ULK4: variants seen among roughly 807,000 people sequenced by gnomAD.
ULK4 encodes the protein unc-51 like kinase 4, also known as inactive serine/threonine-protein kinase ULK4.
Under a neutral mutation model 160.6 loss-of-function variants are expected in ULK4, and 133 were observed. The observed-to-expected ratio is 0.83, with a 90% CI of 0.72 to 0.96. ULK4 has a LOEUF of 0.96. ULK4 is among the 40% of genes least tolerant of loss of function. ULK4 has a pLI of 0.00. For synonymous variants in ULK4, 534 were observed against 539.8 expected (o/e 0.99, Z 0.15); for missense variants, 1,580 against 1,499.5 (o/e 1.05, Z -0.89).
intron 32 of ULK4, among the ~76,000 whole-genome samples, chr3:41,510,818 T>C (rs2085545889): frequency 6.6e-6 from 1 of 152,172 alleles, no homozygotes; most frequent in Non-Finnish European, 1.5e-5. Context: ...ACCTTTGGGA[T>C]ACAGCAAAAG....
chr3:41,251,701 T>C (rs1305276334), intron 35 of ULK4, among the ~76,000 whole-genome samples: 1 of 152,156 alleles, frequency 6.6e-6, no homozygotes, highest in Non-Finnish European at 1.5e-5. Context: ...GCAGTGGTAG[T>C]GGGGACAGAG....
chr3:41,426,255 C>T (rs1019361668), intron 34 of ULK4, among the ~76,000 whole-genome samples: 1 of 152,200 alleles, frequency 6.6e-6, no homozygotes, highest in Non-Finnish European at 1.5e-5. Flanking sequence ...GCACCCGATA[C>T]AGGAGAACCC....
intron 32 of ULK4, among the ~76,000 whole-genome samples, chr3:41,504,786 A>G (rs2085323302): frequency 6.6e-6 from 1 of 152,210 alleles, no homozygotes; most frequent in Non-Finnish European, 1.5e-5. Context: ...TTTAGAAATA[A>G]CATTTCATTT....
intron 35 of ULK4, among the ~76,000 whole-genome samples, chr3:41,331,088 A>T (rs1165327444): frequency 6.6e-6 from 1 of 152,240 alleles, no homozygotes; most frequent in East Asian, 1.9e-4. Context: ...CACAGTAGCC[A>T]CTTGGGTGAA....
chr3:41,272,343 GTTTTT>G (rs3038324), intron 35 of ULK4, among the ~76,000 whole-genome samples: 6,364 of 95,606 alleles, frequency 0.067, 224 homozygotes, highest in East Asian at 0.2. Context: ...AATTTTGAAA[GTTTTT>G]TTTTTTTTTT....
intron 30 of ULK4, among the ~76,000 whole-genome samples, chr3:41,626,080 G>T (rs1291037901): frequency 2.6e-5 from 4 of 152,124 alleles, no homozygotes; most frequent in Non-Finnish European, 4.4e-5. Context: ...CAGATTTCAT[G>T]TGGTTAAAGA....
At chr3:41,835,815 G>A (rs1447517371) in intron 18 of ULK4, 49 bp downstream of exon 18, 1 of 1,373,012 alleles carries the variant, frequency 7.3e-7, no homozygotes, top group Non-Finnish European at 1.0e-6. Flanking sequence ...GTCAGCCAGA[G>A]TATGTCAGAA....
At chr3:41,887,066 C>T (rs1697748130) in intron 16 of ULK4, among the ~76,000 whole-genome samples, 1 of 152,170 alleles carries the variant, frequency 6.6e-6, no homozygotes, top group South Asian at 2.1e-4. Flanking sequence ...GAACTCTACA[C>T]CCTACAAACA....
At chr3:41,476,775 C>G (rs1236774276) in intron 32 of ULK4, among the ~76,000 whole-genome samples, 1 of 151,916 alleles carries the variant, frequency 6.6e-6, no homozygotes, top group Non-Finnish European at 1.5e-5. Context: ...GCCTCTTCTA[C>G]TGGTTCTAGC....
chr3:41,549,556 G>C (rs746231968), intron 32 of ULK4, among the ~76,000 whole-genome samples: 5 of 152,120 alleles, frequency 3.3e-5, no homozygotes, highest in East Asian at 1.9e-4. Context: ...ACCATAAAGA[G>C]AGCAAATATT....
chr3:41,798,115 T>G (rs944888282), intron 20 of ULK4, among the ~76,000 whole-genome samples: 2 of 151,988 alleles, frequency 1.3e-5, no homozygotes, highest in East Asian at 1.9e-4. Context: ...TCAAACTTGA[T>G]GCATCAGAAG....
chr3:41,861,801 T>C (rs1323491650), intron 17 of ULK4, among the ~76,000 whole-genome samples: 1 of 152,126 alleles, frequency 6.6e-6, no homozygotes, highest in East Asian at 1.9e-4. Flanking sequence ...GAGGTTATTT[T>C]CTAGATCTTG....
At chr3:41,329,406 C>T (rs1427318923) in intron 35 of ULK4, among the ~76,000 whole-genome samples, 1 of 152,078 alleles carries the variant, frequency 6.6e-6, no homozygotes, top group Non-Finnish European at 1.5e-5. Flanking sequence ...AACTTTAATT[C>T]TAGACAAAAA....
chr3:41,306,468 G>A (rs2079938535), intron 35 of ULK4, among the ~76,000 whole-genome samples: 1 of 146,522 alleles, frequency 6.8e-6, no homozygotes, highest in Non-Finnish European at 1.5e-5. Context: ...CATCTGGGAG[G>A]GAGGTGGGGG....
At chr3:41,446,855 T>C (rs1169082552) in intron 34 of ULK4, among the ~76,000 whole-genome samples, 1 of 151,394 alleles carries the variant, frequency 6.6e-6, no homozygotes, top group Non-Finnish European at 1.5e-5. Flanking sequence ...TGTGCACATG[T>C]ACCATAAAAC....
chr3:41,283,059 T>C (rs1222404603), intron 35 of ULK4, among the ~76,000 whole-genome samples: 1 of 151,536 alleles, frequency 6.6e-6, no homozygotes, highest in Non-Finnish European at 1.5e-5. Flanking sequence ...TCACCATCAC[T>C]GGTCATCAGA....
intron 32 of ULK4, among the ~76,000 whole-genome samples, chr3:41,565,080 G>A (rs542762130): frequency 2.8e-4 from 42 of 152,238 alleles, no homozygotes; most frequent in South Asian, 1.7e-3. Flanking sequence ...TGTAGTCTAC[G>A]GGCAATAGGC....
intron 31 of ULK4, among the ~76,000 whole-genome samples, chr3:41,578,049 C>A (rs1231258751): frequency 1.3e-5 from 2 of 152,258 alleles, no homozygotes; most frequent in Middle Eastern, 3.4e-3. Flanking sequence ...GGGAATACCC[C>A]AACATAATGC....
intron 32 of ULK4, among the ~76,000 whole-genome samples, chr3:41,551,807 C>T (rs1292529987): frequency 6.6e-6 from 1 of 151,822 alleles, no homozygotes; most frequent in Non-Finnish European, 1.5e-5. Context: ...AAGAACACAA[C>T]TACAAAAAAA....
Sources: gnomAD v4.1 joint callset for allele counts (sites outside exome capture counted in the v4.1 genomes callset) on GRCh38, gnomAD v4.1.1 for gene constraint, MANE v1.5 for transcripts, NCBI Gene and HGNC (gene_info 2026-07-23, HGNC 2026-07-21) for gene names.